GMFG: variants seen among roughly 807,000 people sequenced by gnomAD.
GMFG encodes glia maturation factor gamma.
In GMFG, 21 loss-of-function variants were observed where a neutral mutation model predicts 26.1. The ratio of observed to expected loss-of-function variants is 0.80; its 90% CI spans 0.57 to 1.16. The LOEUF (loss-of-function observed/expected upper bound fraction) is 1.16, where lower values mean the gene tolerates loss of function less well. GMFG is among the 50% of genes most tolerant of loss of function. GMFG has a pLI of 0.00. For missense variants in GMFG, 161 were observed against 178.3 expected (o/e 0.90, Z 0.55); for synonymous variants, 65 against 60.8 (o/e 1.07, Z -0.32).
chr19:39,328,432 AC>A lies in GMFG; in HGVS notation c.*44del, dbSNP rs564550103. ...TCCTAGGGGTTCCAAGTCCCCAGTC[AC>A]CTTGAGGACTCAGACATCAGGAATT... is the stretch of plus-strand genomic sequence containing the variant. On this transcript the variant is annotated 3_prime_UTR_variant, in exon 7 of 7. Coordinates refer to ENST00000597595, the MANE Select transcript of GMFG (RefSeq NM_004877.4). The A allele has an allele frequency of 3.0e-4, 384 of 1,263,278 alleles. 3 individuals are homozygous for A. In the East Asian group the frequency reaches 8.7e-3, roughly 29 times the overall value. 78.3% of individuals were successfully genotyped at this position (1,263,278 alleles called of 1,614,324 possible).
intron 3 of GMFG, among the ~76,000 whole-genome samples, chr19:39,334,505 T>C (rs2075240969): frequency 6.6e-6 from 1 of 151,180 alleles, no homozygotes; most frequent in African/African-American, 2.4e-5. Flanking sequence ...TGGGCTCAAG[T>C]GATCCTCCTG....
chr19:39,334,005 T>G (rs1375072799), intron 3 of GMFG, among the ~76,000 whole-genome samples: 5 of 145,926 alleles, frequency 3.4e-5, no homozygotes, highest in Admixed American at 6.8e-5. Context: ...TTTTTTTTTG[T>G]AGAGATGGAG....
chr19:39,332,656 C>CTTTTTTTTT (rs59277772), intron 4 of GMFG, among the ~76,000 whole-genome samples: 1 of 111,298 alleles, frequency 9.0e-6, no homozygotes. Flanking sequence ...CACAGAGATT[C>CTTTTTTTTT]TTTTTTTTTT....
chr19:39,329,209 A>G (rs775319110), intron 5 of GMFG, 136 bp from the exon 6 acceptor site: 8 of 629,944 alleles, frequency 1.3e-5, no homozygotes, highest in Non-Finnish European at 2.0e-5. Flanking sequence ...CACTGTACTC[A>G]GTTTCTAGGT....
intron 4 of GMFG, among the ~76,000 whole-genome samples, chr19:39,332,145 A>G (rs1042433597): frequency 6.6e-6 from 1 of 151,862 alleles, no homozygotes; most frequent in African/African-American, 2.4e-5. Context: ...GTTCGAGACC[A>G]GCCTGGCCAA....
At chr19:39,329,977 G>T (rs974863997) in intron 4 of GMFG, among the ~76,000 whole-genome samples, 3 of 152,084 alleles carry the variant, frequency 2.0e-5, no homozygotes, top group African/African-American at 7.2e-5. Context: ...TAGTCAGGAG[G>T]CTGAGGCAGG....
intron 4 of GMFG, 60 bp from the exon 5 acceptor site, chr19:39,329,686 T>C (rs2075218988): frequency 9.7e-7 from 1 of 1,034,874 alleles, no homozygotes. Context: ...TTAACAGCCA[T>C]TACCTGAGTC....
chr19:39,328,909 TGA>T, intron 6 of GMFG, 89 bp downstream of exon 6: 1 of 922,460 alleles, frequency 1.1e-6, no homozygotes, highest in Non-Finnish European at 1.8e-6. Flanking sequence ...CAAAAACCAC[TGA>T]GACAGTGAGG....
At chr19:39,328,876 C>G (rs1311214408) in intron 6 of GMFG, 124 bp downstream of exon 6, 1 of 763,560 alleles carries the variant, frequency 1.3e-6, no homozygotes, top group Non-Finnish European at 2.3e-6. Context: ...AGACCCAGTT[C>G]TTTAAAAAAA....
intron 4 of GMFG, among the ~76,000 whole-genome samples, chr19:39,329,890 C>T (rs2075219656): frequency 6.6e-6 from 1 of 152,082 alleles, no homozygotes; most frequent in Admixed American, 6.6e-5. Flanking sequence ...ACCAGCCTGG[C>T]CAACATGGTG....
chr19:39,328,562 G>C lies in GMFG; in HGVS notation c.358-14C>G, dbSNP rs2075213000. On this transcript the variant is annotated splice_polypyrimidine_tract_variant and intron_variant, in intron 6 of 6. Transcript: ENST00000597595. ...GATTTCGAACACCTGGGCAGAGAGA[G>C]GTCTCGGCATTATGATCTACTCAAA... 8 of 1,597,562 alleles carry C rather than the reference G, an allele frequency of 5.0e-6. No homozygotes were observed. The South Asian group carries it at 8.8e-5, about 18-fold the overall frequency.
Position 39,335,326 on chromosome 19 carries a change from A to T in GMFG, c.101-16T>A. 2 of 1,585,366 alleles carry T rather than the reference A, an allele frequency of 1.3e-6. No homozygotes were observed. Among genetic ancestry groups the T allele is most frequent in the Non-Finnish European group, 1.7e-6 (2 of 1,163,196 alleles). On this transcript the variant is annotated splice_polypyrimidine_tract_variant and intron_variant, in intron 2 of 6. Transcript: ENST00000597595. ...TCCACCTTCACTGGGGAGGGGTGGCACACAGGGATTAGACACTCCCCCTGA... is the reference window on the plus strand; with the variant it reads ...TCCACCTTCACTGGGGAGGGGTGGCTCACAGGGATTAGACACTCCCCCTGA...
chr19:39,329,774 C>T, intron 4 of GMFG, 148 bp from the exon 5 acceptor site: 4 of 651,706 alleles, frequency 6.1e-6, no homozygotes, highest in Non-Finnish European at 1.1e-5. Flanking sequence ...TCAAACACAA[C>T]AAATGATTAA....
intron 4 of GMFG, among the ~76,000 whole-genome samples, chr19:39,331,218 G>C (rs568467662): frequency 9.2e-5 from 14 of 152,366 alleles, no homozygotes; most frequent in African/African-American, 3.1e-4. Context: ...GGTGGGTGCA[G>C]AGAGTGGGTG....
In GMFG at chr19:39,328,517, G is replaced by C. The variant is rs748653985; in HGVS notation, c.389C>G (p.Thr130Ser). ...CAACTTTTCTTGGAGCCAGGCCTCA[G>C]TGAGGTCATCAGTGGTGCGGATTTC... ...VFEIRTTDDL[T>S]EAWLQEKLSF... The change falls in exon 7 of 7, where the codon ACT (threonine) becomes AGT (serine). Residue 130 changes from threonine to serine, a missense_variant. Thr to Ser is a moderately conservative substitution (Grantham distance 58). Coordinates refer to ENST00000597595, the MANE Select transcript of GMFG (RefSeq NM_004877.4). 1 of 1,613,338 alleles carries C rather than the reference G, an allele frequency of 6.2e-7. No homozygotes were observed. The highest frequency in any genetic ancestry group is 8.5e-7 in the Non-Finnish European group (1 of 1,179,326).
intron 3 of GMFG, among the ~76,000 whole-genome samples, chr19:39,333,478 G>A (rs1172467868): frequency 6.6e-6 from 1 of 151,712 alleles, no homozygotes; most frequent in Non-Finnish European, 1.5e-5. Context: ...TGTTCAGGAG[G>A]CTGAGGCAGG....
chr19:39,328,889 AAAAC>A (rs2075214541), intron 6 of GMFG, 107 bp downstream of exon 6: 31 of 855,398 alleles, frequency 3.6e-5, no homozygotes, highest in African/African-American at 8.6e-5. Context: ...TAAAAAAACA[AAAAC>A]AAAAACAAAA....
At chr19:39,330,663 C>T (rs1319267595) in intron 4 of GMFG, among the ~76,000 whole-genome samples, 1 of 149,456 alleles carries the variant, frequency 6.7e-6, no homozygotes, top group Non-Finnish European at 1.5e-5. Flanking sequence ...GGGACGTGGT[C>T]TCAGCTCATT....
At chr19:39,331,004 C>T (rs1365391328) in intron 4 of GMFG, among the ~76,000 whole-genome samples, 4 of 152,170 alleles carry the variant, frequency 2.6e-5, no homozygotes, top group Non-Finnish European at 5.9e-5. Context: ...TCCCAAAGTG[C>T]TGAGATTACA....
Sources: allele counts gnomAD v4.1 joint callset (sites outside exome capture counted in the v4.1 genomes callset), GRCh38; gene constraint gnomAD v4.1.1; transcripts MANE v1.5; gene names NCBI Gene and HGNC (gene_info 2026-07-23, HGNC 2026-07-21).